The following RAB6A variants were observed in gnomAD, a reference collection of about 807,000 sequenced individuals.
RAB6A encodes the protein ras-related protein Rab-6A.
Under a neutral mutation model 32.3 loss-of-function variants are expected in RAB6A, and 8 were observed. The ratio of observed to expected loss-of-function variants is 0.25; its 90% CI spans 0.15 to 0.45. RAB6A has a LOEUF of 0.45. Among genes scored for constraint, RAB6A ranks in the 20% least tolerant of loss-of-function variants. The probability of loss-of-function intolerance (pLI) is 1.00; values close to 1 mark genes in which losing one functional copy is unlikely to be tolerated. For missense variants in RAB6A, 104 were observed against 249.4 expected, an observed-to-expected ratio of 0.42 and a Z score of 3.93; for synonymous variants, 73 against 82.1, an observed-to-expected ratio of 0.89 and a Z score of 0.60.
intron 1 of RAB6A, among the ~76,000 whole-genome samples, chr11:73,733,568 T>C (rs964104223): frequency 1.2e-4 from 16 of 138,200 alleles, no homozygotes; most frequent in Admixed American, 1.5e-4. Context: ...AAAAAATAAA[T>C]AAATAAAAAT....
intron 6 of RAB6A, among the ~76,000 whole-genome samples, chr11:73,695,501 T>A (rs1945642909): frequency 6.6e-6 from 1 of 152,084 alleles, no homozygotes; most frequent in Non-Finnish European, 1.5e-5. Flanking sequence ...CGCCTCAGCC[T>A]CCTGAGTAGC....
chr11:73,718,016 C>T (rs1020284857), intron 4 of RAB6A, among the ~76,000 whole-genome samples: 6 of 152,182 alleles, frequency 3.9e-5, no homozygotes, highest in Middle Eastern at 3.2e-3. Context: ...GTTTCACCTC[C>T]TATTTAAAAT....
rs1269082283 is a variant in RAB6A, at chr11:73,675,967, C to T, written c.*1931G>A. 6.0e-6 allele frequency: 1 copy of T among 166,952 alleles called. No homozygotes were observed. 10.3% of individuals were successfully genotyped at this position (166,952 alleles called of 1,614,324 possible). A position where few individuals can be genotyped will look rare whatever the true frequency, so the allele number is the denominator to read the frequency against. On this transcript the variant is annotated 3_prime_UTR_variant, in exon 8 of 8. Coordinates refer to ENST00000336083, the MANE Select transcript of RAB6A (RefSeq NM_198896.2). The stretch of plus-strand genomic sequence containing the variant: ...ACAAAGAGTCAACCCTTGCCTTTAA[C>T]AATTATATTGTATTATAAAAGCACT...
At chr11:73,694,365 C>T (rs1281819359) in intron 6 of RAB6A, among the ~76,000 whole-genome samples, 7 of 152,074 alleles carry the variant, frequency 4.6e-5, no homozygotes, top group Admixed American at 4.6e-4. Context: ...AAGAATTTGC[C>T]ATAGACCAAA....
intron 1 of RAB6A, among the ~76,000 whole-genome samples, chr11:73,744,901 G>A (rs929198400): frequency 8.6e-5 from 13 of 151,772 alleles, no homozygotes; most frequent in African/African-American, 2.7e-4. Flanking sequence ...CTTGAACCCG[G>A]GAAGTGGAGG....
Position 73,752,008 on chromosome 11 carries a change from A to G in RAB6A, c.70+8558T>C, listed in dbSNP as rs1057201211. Among the ~76,000 whole-genome samples, 15 of 152,344 alleles carry G rather than the reference A, an allele frequency of 9.8e-5. 1 individual carries two copies. Among genetic ancestry groups the G allele is most frequent in the Middle Eastern group, 3.4e-3 (1 of 294 alleles). ...TAGAAGCAAATAGCCAAGAAACACT[A>G]GTTTTTTGAGGACCACATCAAACAG... On this transcript the variant is annotated intron_variant, in intron 1 of 7. Transcript: ENST00000336083.
At chr11:73,760,509 G>A (rs1363040680) in intron 1 of RAB6A, 57 bp downstream of exon 1, 34 of 1,538,258 alleles carry the variant, frequency 2.2e-5, no homozygotes, top group Non-Finnish European at 2.9e-5. Context: ...GGCCGCACCG[G>A]GGGCGGTGCG....
chr11:73,678,694 T>G (rs1418419134), intron 7 of RAB6A, among the ~76,000 whole-genome samples: 1 of 151,270 alleles, frequency 6.6e-6, no homozygotes, highest in Non-Finnish European at 1.5e-5. Flanking sequence ...GTTTTGTTTT[T>G]GAAACATATT....
intron 6 of RAB6A, among the ~76,000 whole-genome samples, chr11:73,698,907 A>T (rs1268940894): frequency 7.2e-6 from 1 of 139,078 alleles, no homozygotes; most frequent in African/African-American, 2.7e-5. Flanking sequence ...GCTGTAATGC[A>T]ATGGCACAAT....
intron 1 of RAB6A, among the ~76,000 whole-genome samples, chr11:73,742,534 A>C (rs1221379967): frequency 1.3e-5 from 2 of 150,938 alleles, no homozygotes; most frequent in Non-Finnish European, 3.0e-5. Flanking sequence ...AAAATGGGCC[A>C]GGCGTGGTGG....
intron 2 of RAB6A, among the ~76,000 whole-genome samples, chr11:73,727,616 A>G (rs1946241976): frequency 6.6e-6 from 1 of 152,170 alleles, no homozygotes; most frequent in Non-Finnish European, 1.5e-5. Context: ...TCTAAGGCTC[A>G]TTACATAGCT....
intron 1 of RAB6A, among the ~76,000 whole-genome samples, chr11:73,737,134 T>C (rs1464705906): frequency 6.6e-6 from 1 of 151,866 alleles, no homozygotes; most frequent in Non-Finnish European, 1.5e-5. Context: ...ATCCAGAAAA[T>C]GTTGAAATGT....
At chr11:73,702,746 T>A (rs938847409) in intron 6 of RAB6A, among the ~76,000 whole-genome samples, 6 of 152,208 alleles carry the variant, frequency 3.9e-5, no homozygotes, top group African/African-American at 1.4e-4. Flanking sequence ...CATATCTTCA[T>A]TGCTGTGGTC....
At chr11:73,714,821 C>T (rs1213850282) in intron 5 of RAB6A, among the ~76,000 whole-genome samples, 1 of 151,842 alleles carries the variant, frequency 6.6e-6, no homozygotes, top group Non-Finnish European at 1.5e-5. Context: ...CAAAAATTTG[C>T]AGGACATGGT....
intron 2 of RAB6A, among the ~76,000 whole-genome samples, chr11:73,722,035 G>A (rs764168863): frequency 6.6e-6 from 1 of 151,704 alleles, no homozygotes; most frequent in Non-Finnish European, 1.5e-5. Context: ...AGAAGGACAT[G>A]TTTGCTTCCC....
At chr11:73,731,096 G>C (rs1946294077) in intron 1 of RAB6A, among the ~76,000 whole-genome samples, 1 of 152,040 alleles carries the variant, frequency 6.6e-6, no homozygotes, top group Non-Finnish European at 1.5e-5. Context: ...ATTCACAAAA[G>C]GCCAAGTAAA....
At chr11:73,696,220 G>A (rs765553720) in intron 6 of RAB6A, among the ~76,000 whole-genome samples, 1 of 151,910 alleles carries the variant, frequency 6.6e-6, no homozygotes. Context: ...TTATTGAGAC[G>A]GAATTTTGTT....
At chr11:73,701,784 T>C (rs907023905) in intron 6 of RAB6A, among the ~76,000 whole-genome samples, 1 of 152,010 alleles carries the variant, frequency 6.6e-6, no homozygotes, top group Non-Finnish European at 1.5e-5. Flanking sequence ...TCCCAAGTAG[T>C]TGGGACTACC....
At chr11:73,736,276 A>T (rs1946392140) in intron 1 of RAB6A, among the ~76,000 whole-genome samples, 1 of 151,708 alleles carries the variant, frequency 6.6e-6, no homozygotes, top group Non-Finnish European at 1.5e-5. Context: ...TAAAAATACA[A>T]AAATCAGCCG....
Sources: allele counts gnomAD v4.1 joint callset (sites outside exome capture counted in the v4.1 genomes callset), GRCh38; gene constraint gnomAD v4.1.1; transcripts MANE v1.5; gene names NCBI Gene and HGNC (gene_info 2026-07-23, HGNC 2026-07-21).